PACRG: variants seen among roughly 807,000 people sequenced by gnomAD.
PACRG encodes the protein parkin coregulated gene protein.
PACRG carries 29 observed loss-of-function variants against 29.7 expected under a neutral mutation model. That is an observed-to-expected ratio of 0.98 (90% CI 0.73 to 1.33). The LOEUF (loss-of-function observed/expected upper bound fraction) is 1.33, where lower values mean the gene tolerates loss of function less well. Among genes scored for constraint, PACRG ranks in the 40% most tolerant of loss-of-function variants. The pLI is 0.00. For synonymous variants in PACRG, 116 were observed against 118.7 expected (o/e 0.98, Z 0.15); for missense variants, 279 against 316.2 (o/e 0.88, Z 0.89).
chr6:162,788,764 C>T (rs567554675), intron 1 of PACRG, among the ~76,000 whole-genome samples: 60 of 152,234 alleles, frequency 3.9e-4, no homozygotes, highest in African/African-American at 9.6e-4. Context: ...GCATATAATG[C>T]GGAGCATCTT....
At chr6:162,732,514 G>A (rs928809096) in intron 1 of PACRG, among the ~76,000 whole-genome samples, 5 of 152,162 alleles carry the variant, frequency 3.3e-5, no homozygotes, top group African/African-American at 1.2e-4. Flanking sequence ...TTTTATTACT[G>A]TAGCCAAGGA....
intron 2 of PACRG, chr6:163,043,071 G>C (rs1808906712): frequency 1.3e-5 from 2 of 152,186 alleles, no homozygotes; most frequent in Admixed American, 1.3e-4. Flanking sequence ...GAAGTACCCT[G>C]AATGGCTGGC....
At chr6:163,071,881 T>C (rs1360636427) in intron 3 of PACRG, among the ~76,000 whole-genome samples, 3 of 151,750 alleles carry the variant, frequency 2.0e-5, no homozygotes, top group Admixed American at 6.6e-5. Flanking sequence ...GGTTGAATCA[T>C]AAAGAAATCC....
At chr6:163,250,783 C>A (rs1345912645) in intron 4 of PACRG, among the ~76,000 whole-genome samples, 1 of 151,802 alleles carries the variant, frequency 6.6e-6, no homozygotes, top group Non-Finnish European at 1.5e-5. Flanking sequence ...TATTTTATAG[C>A]ACAATTTATA....
rs77838969 is a variant in PACRG, at chr6:162,790,973, A to G, written c.157-23174A>G. Among the ~76,000 whole-genome samples, 73 of 152,368 alleles carry G rather than the reference A, an allele frequency of 4.8e-4. 2 individuals are homozygous for G. In the East Asian group the frequency reaches 0.014, roughly 29 times the overall value. On this transcript the variant is annotated intron_variant, in intron 1 of 4. Transcript: ENST00000366888. The stretch of plus-strand genomic sequence containing the variant: ...TGTGCTTTGTTTAGCAGATTTTTCT[A>G]AAGGAGAAACATATGTATTTAAAGA...
intron 1 of PACRG, among the ~76,000 whole-genome samples, chr6:162,742,734 C>T (rs1227512932): frequency 6.6e-6 from 1 of 151,954 alleles, no homozygotes; most frequent in Non-Finnish European, 1.5e-5. Context: ...AACTATTCAT[C>T]CATTGGTGGA....
At position 162,951,821 on chromosome 6, in the gene PACRG, T is replaced by A. The variant is rs904565517; in HGVS notation, c.292-110329T>A. On this transcript the variant is annotated intron_variant, in intron 2 of 4. Transcript: ENST00000366888. ...TTTTTAAAAGGGCCAGTCTGTTCAG[T>A]TTTTTGCTCTCGTTGTAGTCTTACT... Among the ~76,000 whole-genome samples, 3 of 152,162 alleles carry A rather than the reference T, an allele frequency of 2.0e-5. No individual in the cohort carries two copies. The East Asian group carries it at 5.8e-4, about 29-fold the overall frequency.
rs1810535394 is a variant in PACRG at position 163,055,804 on chromosome 6, A to G, written c.292-6346A>G. Among the ~76,000 whole-genome samples the G allele has an allele frequency of 6.6e-6, 1 of 151,916 alleles. No homozygotes were observed. Among genetic ancestry groups the G allele is most frequent in the African/African-American group, 2.4e-5 (1 of 41,332 alleles). ...CATCTAGTTCCAGAACTTTTTCATC[A>G]CCCCACATGGAAACCCCATGCCCAA... On this transcript the variant is annotated intron_variant, in intron 2 of 4. Coordinates refer to ENST00000366888, the MANE Select transcript of PACRG (RefSeq NM_001080379.2). This position sits in a 1 kb window ranked among gnomAD's most constrained non-coding sequence, Gnocchi z 4.0.
chr6:163,059,031 A>T (rs1810863399), intron 2 of PACRG, among the ~76,000 whole-genome samples: 1 of 151,160 alleles, frequency 6.6e-6, no homozygotes, highest in Non-Finnish European at 1.5e-5. Context: ...GTGAGCCGAG[A>T]TCGCACCACT....
At chr6:163,140,325 G>A (rs1047730337) in intron 4 of PACRG, among the ~76,000 whole-genome samples, 3 of 152,198 alleles carry the variant, frequency 2.0e-5, no homozygotes, top group Non-Finnish European at 4.4e-5. Flanking sequence ...TTGAAAAGCA[G>A]TCCGTGGTGG....
chr6:163,049,673 G>C (rs1809787973), intron 2 of PACRG, among the ~76,000 whole-genome samples: 1 of 151,914 alleles, frequency 6.6e-6, no homozygotes. Flanking sequence ...ATATACAAAT[G>C]ACCTTCAAAA....
At chr6:163,035,569 T>A (rs1808092691) in intron 2 of PACRG, among the ~76,000 whole-genome samples, 1 of 151,850 alleles carries the variant, frequency 6.6e-6, no homozygotes, top group Admixed American at 6.6e-5. Flanking sequence ...TCACTTGAAC[T>A]TGGGAGGCGG....
At chr6:162,815,909 G>A (rs2128365647) in intron 2 of PACRG, among the ~76,000 whole-genome samples, 1 of 152,112 alleles carries the variant, frequency 6.6e-6, no homozygotes, top group Non-Finnish European at 1.5e-5. Flanking sequence ...GGCTTTTGGT[G>A]TTTTAGGTAA....
chr6:162,974,481 G>A (rs1801785472), intron 2 of PACRG, among the ~76,000 whole-genome samples: 2 of 152,074 alleles, frequency 1.3e-5, no homozygotes, highest in South Asian at 4.1e-4. Flanking sequence ...AAGAATTGTA[G>A]TCTCACCTAC....
rs1783720850 is a variant in PACRG at position 163,269,927 on chromosome 6, AAAACAAAG to A, written c.614-44896_614-44889del. On this transcript the variant is annotated intron_variant, in intron 4 of 4. Transcript: ENST00000366888. ...GAAAGAAAGAAAGAAAGAAAGAAAGAAAACAAAGAAAGAAAGAAAGAAAGAAAGAAAGA... is the reference window on the plus strand; with the variant it reads ...GAAAGAAAGAAAGAAAGAAAGAAAGAAAAGAAAGAAAGAAAGAAAGAAAGA... Among the ~76,000 whole-genome samples the A allele has an allele frequency of 6.1e-5, 2 of 32,870 alleles. 1 individual carries two copies. The highest frequency in any genetic ancestry group is 3.7e-4 in the African/African-American group (2 of 5,476). The allele number at this position is 32,870 out of a possible 152,430, so 21.6% of individuals were successfully genotyped here.
intron 4 of PACRG, chr6:163,179,201 C>T (rs994194233): frequency 1.5e-5 from 7 of 455,814 alleles, no homozygotes; most frequent in African/African-American, 6.0e-5. Flanking sequence ...CTCACATGTG[C>T]GTCTTATCTT....
chr6:162,797,679 G>C (rs375538908), intron 1 of PACRG, among the ~76,000 whole-genome samples: 28 of 151,684 alleles, frequency 1.8e-4, no homozygotes, highest in Non-Finnish European at 2.9e-4. Context: ...GAATTTTTTT[G>C]GGGGGGACTT....
At chr6:163,095,544 T>C (rs1448158394) in intron 4 of PACRG, 2 of 684,296 alleles carry the variant, frequency 2.9e-6, no homozygotes, top group East Asian at 1.4e-4. Context: ...GATCAAGGTG[T>C]GGACAGGGCC....
intron 2 of PACRG, among the ~76,000 whole-genome samples, chr6:163,007,469 C>G: frequency 6.6e-6 from 1 of 152,016 alleles, no homozygotes; most frequent in East Asian, 1.9e-4. Flanking sequence ...TTATAAATTC[C>G]TTTGTATGTA....
Sources: allele counts gnomAD v4.1 joint callset (sites outside exome capture counted in the v4.1 genomes callset), GRCh38; gene constraint gnomAD v4.1.1; non-coding constraint Gnocchi (gnomAD v3.1); transcripts MANE v1.5; gene names NCBI Gene and HGNC (gene_info 2026-07-23, HGNC 2026-07-21).